The following ARL6IP5 variants were observed in gnomAD, a reference collection of about 807,000 sequenced individuals.
ARL6IP5 encodes ARF like GTPase 6 interacting protein 5, also known as PRA1 family protein 3.
In ARL6IP5, 6 loss-of-function variants were observed where a neutral mutation model predicts 13.0. That is an observed-to-expected ratio of 0.46 (90% confidence interval 0.25 to 0.91). ARL6IP5 has a LOEUF of 0.91. Ranked by LOEUF, ARL6IP5 falls within the 40% of genes least tolerant of loss-of-function variation. The pLI, the probability that ARL6IP5 is intolerant of heterozygous loss-of-function variation, is 0.17. For synonymous variants in ARL6IP5, 91 were observed against 91.9 expected, an observed-to-expected ratio of 0.99 and a Z score of 0.06; for missense variants, 208 against 248.8, an observed-to-expected ratio of 0.84 and a Z score of 1.10.
intron 2 of ARL6IP5, 196 bp downstream of exon 2, chr3:69,102,252 CCTTAT>C: frequency 1.7e-6 from 1 of 605,780 alleles, no homozygotes; most frequent in Non-Finnish European, 2.9e-6. Context: ...GAGGTCAAGG[CCTTAT>C]AGTTCATTAA....
At chr3:69,096,154 T>A (rs1420114718) in intron 1 of ARL6IP5, among the ~76,000 whole-genome samples, 1 of 152,192 alleles carries the variant, frequency 6.6e-6, no homozygotes, top group Admixed American at 6.5e-5. Context: ...CTTCGTTAGT[T>A]TTTTTCCAGC....
intron 2 of ARL6IP5, among the ~76,000 whole-genome samples, chr3:69,103,031 T>C (rs1175259923): frequency 6.6e-6 from 1 of 152,238 alleles, no homozygotes; most frequent in Non-Finnish European, 1.5e-5. Context: ...ACATTTGACA[T>C]GTGCACTTAT....
Position 69,085,043 on chromosome 3 carries a change from A to C in ARL6IP5, c.-5A>C, listed in dbSNP as rs1325998210. On this transcript the variant is annotated 5_prime_UTR_variant, in exon 1 of 3. Coordinates refer to ENST00000273258, the MANE Select transcript of ARL6IP5 (RefSeq NM_006407.4). ...TCTGGAGGCGAAGAACGCAAAGCTG[A>C]GAACATGGACGTTAATATCGCCCCA... is the stretch of plus-strand genomic sequence containing the variant. 1 of 1,612,812 alleles carries C rather than the reference A, an allele frequency of 6.2e-7. No individual in the cohort carries two copies. The highest frequency in any genetic ancestry group is 8.5e-7 in the Non-Finnish European group (1 of 1,179,444).
At chr3:69,085,273 G>A (rs761540758) in intron 1 of ARL6IP5, 50 bp downstream of exon 1, 1 of 1,567,930 alleles carries the variant, frequency 6.4e-7, no homozygotes, top group Non-Finnish European at 8.7e-7. Flanking sequence ...GAGCACGGAG[G>A]GGCCTCGGGG....
intron 1 of ARL6IP5, among the ~76,000 whole-genome samples, chr3:69,092,718 C>T (rs1189419021): frequency 6.6e-6 from 1 of 152,018 alleles, no homozygotes; most frequent in Non-Finnish European, 1.5e-5. Flanking sequence ...CGGGGTTTCA[C>T]CATGTTGGCC....
At chr3:69,103,066 G>A (rs1316345824) in intron 2 of ARL6IP5, among the ~76,000 whole-genome samples, 1 of 152,150 alleles carries the variant, frequency 6.6e-6, no homozygotes, top group Non-Finnish European at 1.5e-5. Flanking sequence ...TTATTTGCTT[G>A]TTTAGGGCTT....
chr3:69,094,667 G>A (rs899184964), intron 1 of ARL6IP5, among the ~76,000 whole-genome samples: 1 of 152,186 alleles, frequency 6.6e-6, no homozygotes, highest in African/African-American at 2.4e-5. Context: ...GAAATATTTT[G>A]CTGCCTCTTT....
At chr3:69,089,892 G>C (rs2092259682) in intron 1 of ARL6IP5, 1 of 455,418 alleles carries the variant, frequency 2.2e-6, no homozygotes, top group African/African-American at 2.0e-5. Context: ...CTGATCATTT[G>C]GCCTATGGAG....
intron 1 of ARL6IP5, among the ~76,000 whole-genome samples, chr3:69,097,695 A>G (rs1269798073): frequency 6.6e-6 from 1 of 152,162 alleles, no homozygotes; most frequent in Non-Finnish European, 1.5e-5. Context: ...AATAAAACAG[A>G]AAGAAAGTGC....
At chr3:69,088,491 G>A (rs1376436330) in intron 1 of ARL6IP5, among the ~76,000 whole-genome samples, 1 of 152,166 alleles carries the variant, frequency 6.6e-6, no homozygotes, top group Non-Finnish European at 1.5e-5. Flanking sequence ...GATAGAGAGG[G>A]CCTCCTCTTC....
rs146524655 is a variant in ARL6IP5 at position 69,101,808 on chromosome 3, C to G, written c.177-31C>G. The G allele has an allele frequency of 1.9e-6, 3 of 1,574,136 alleles. No individual in the cohort carries two copies. In the African/African-American group the frequency reaches 4.0e-5, roughly 21 times the overall value. The stretch of plus-strand genomic sequence containing the variant: ...TTGCTACTTCTATTGCTGAACTAGT[C>G]ACCCCTCATTTTTTCTTCCTCATAT... On this transcript the variant is annotated intron_variant, in intron 1 of 2. Transcript: ENST00000273258.
intron 1 of ARL6IP5, chr3:69,089,812 A>T (rs979673953): frequency 2.2e-6 from 1 of 456,628 alleles, no homozygotes; most frequent in Admixed American, 2.3e-5. Flanking sequence ...CCCCCTTTAG[A>T]TAGAACCATG....
At chr3:69,098,947 TTTTG>T (rs1218430301) in intron 1 of ARL6IP5, among the ~76,000 whole-genome samples, 4 of 152,160 alleles carry the variant, frequency 2.6e-5, no homozygotes, top group Admixed American at 6.6e-5. Flanking sequence ...ATCTTTGCGT[TTTTG>T]TTTAATTCCT....
chr3:69,089,195 T>C (rs575359631), intron 1 of ARL6IP5, among the ~76,000 whole-genome samples: 1 of 152,330 alleles, frequency 6.6e-6, no homozygotes, highest in East Asian at 1.9e-4. Context: ...TGCCCAGGTG[T>C]CACCTTCCGT....
chr3:69,086,259 T>G (rs1016889625), intron 1 of ARL6IP5, among the ~76,000 whole-genome samples: 1 of 152,202 alleles, frequency 6.6e-6, no homozygotes, highest in Non-Finnish European at 1.5e-5. Flanking sequence ...TCGCAGTTAA[T>G]TGGCTTATAC....
intron 1 of ARL6IP5, 117 bp from the exon 2 acceptor site, chr3:69,101,722 T>C: frequency 2.4e-6 from 2 of 839,034 alleles, no homozygotes; most frequent in South Asian, 3.3e-5. Flanking sequence ...TGAGACAATT[T>C]AGATAAAGTA....
intron 1 of ARL6IP5, among the ~76,000 whole-genome samples, chr3:69,087,808 G>A (rs2092253019): frequency 6.6e-6 from 1 of 152,268 alleles, no homozygotes; most frequent in South Asian, 2.1e-4. Flanking sequence ...TAGTAGTAAA[G>A]GTTGATTTGA....
In ARL6IP5 at chr3:69,104,743, C is replaced by T. The variant is rs772222622; in HGVS notation, c.*107C>T. On this transcript the variant is annotated 3_prime_UTR_variant, in exon 3 of 3. Transcript: ENST00000273258. ...TTGAAACAGGAGGTGCACGTACCAC[C>T]CAATTATCTATGGCAGCATGCATGT... The T allele has an allele frequency of 4.9e-4, 605 of 1,228,156 alleles. 2 individuals are homozygous for T. The highest frequency in any genetic ancestry group is 1.7e-3 in the African/African-American group (115 of 66,020). The allele number at this position is 1,228,156 out of a possible 1,614,324, so 76.1% of individuals were successfully genotyped here.
In ARL6IP5 at chr3:69,104,538, T is replaced by C. The variant is rs2092316330; in HGVS notation, c.469T>C (p.Leu157=). ...GGAGAATAAAATGGAAGGAATAGGT[T>C]TGAAGAGGACACCGATGGGCATTGT... ...KLENKMEGIG[L]KRTPMGIVLD... is the part of the protein sequence containing the mutation. Residue 157 remains leucine, a synonymous_variant, in exon 3 of 3, where the codon TTG becomes CTG. Transcript: ENST00000273258. 6.2e-7 allele frequency: 1 copy of C among 1,613,948 alleles called. No homozygotes were observed. The highest frequency in any genetic ancestry group is 1.1e-5 in the South Asian group (1 of 91,078).
Sources: allele counts gnomAD v4.1 joint callset (sites outside exome capture counted in the v4.1 genomes callset), GRCh38; gene constraint gnomAD v4.1.1; transcripts MANE v1.5; gene names NCBI Gene and HGNC (gene_info 2026-07-23, HGNC 2026-07-21).